Variants in TBL1X observed in about 807,000 individuals in gnomAD.
TBL1X encodes the protein F-box-like/WD repeat-containing protein TBL1X.
A neutral mutation model predicts 50.7 loss-of-function variants in TBL1X; 10 were observed. The ratio of observed to expected loss-of-function variants is 0.20; its 90% CI spans 0.12 to 0.33. TBL1X has a LOEUF of 0.33. Among genes scored for constraint, TBL1X ranks in the 10% least tolerant of loss-of-function variants. The pLI, the probability that TBL1X is intolerant of heterozygous loss-of-function variation, is 1.00. For synonymous variants in TBL1X, 190 were observed against 214.7 expected, an observed-to-expected ratio of 0.88 and a Z score of 1.01; for missense variants, 340 against 504.4, an observed-to-expected ratio of 0.67 and a Z score of 3.12.
intron 2 of TBL1X, among the ~76,000 whole-genome samples, chrX:9,503,483 G>C (rs2082011451): frequency 1.1e-5 from 1 of 92,146 alleles, no homozygotes; most frequent in Admixed American, 1.3e-4. Flanking sequence ...CTCCTGCAGG[G>C]AGGGGCAGCA....
chrX:9,564,862 A>G (rs1370513536), intron 2 of TBL1X, among the ~76,000 whole-genome samples: 1 of 111,077 alleles, frequency 9.0e-6, no homozygotes, highest in African/African-American at 3.3e-5. Context: ...TTGATCATGT[A>G]AAAAATGTAA....
At chrX:9,628,938 C>T (rs996357601) in intron 2 of TBL1X, among the ~76,000 whole-genome samples, 2 of 112,457 alleles carry the variant, frequency 1.8e-5, no homozygotes, top group Non-Finnish European at 3.8e-5. Flanking sequence ...CCCAAAGACT[C>T]CTGGTGGCAG....
chrX:9,704,212 A>G (rs1194422326), intron 12 of TBL1X, among the ~76,000 whole-genome samples: 2 of 111,622 alleles, frequency 1.8e-5, no homozygotes, highest in Non-Finnish European at 3.8e-5. Context: ...GTTTTTATTG[A>G]CCCTAATTAT....
At chrX:9,568,765 A>G (rs770555094) in intron 2 of TBL1X, among the ~76,000 whole-genome samples, 3 of 91,749 alleles carry the variant, frequency 3.3e-5, no homozygotes, top group Admixed American at 2.4e-4. Flanking sequence ...TGTTGTCTCT[A>G]TCTGTGCAGT....
chrX:9,684,056 G>C lies in TBL1X; in HGVS notation c.225G>C (p.Ser75=). ...RYLQESGFSH[S]AFTFGIESHI... ...CTCTTGCCACAGGTTTTTCCCACTC[G>C]GCTTTCACGTTTGGGATTGAGAGCC... Residue 75 remains serine, a synonymous_variant, in exon 6 of 18, where the codon TCG becomes TCC. Transcript: ENST00000645353. The C allele has an allele frequency of 8.3e-7, 1 of 1,211,559 alleles. No homozygotes were observed. The highest frequency in any genetic ancestry group is 1.1e-6 in the Non-Finnish European group (1 of 895,505).
intron 2 of TBL1X, among the ~76,000 whole-genome samples, chrX:9,598,454 C>T (rs758929878): frequency 1.8e-5 from 2 of 111,587 alleles, no homozygotes; most frequent in South Asian, 7.5e-4. Context: ...TTTTAAGATG[C>T]CAGAGCCTGT....
Position 9,492,885 on chromosome X carries a change from GT to G in TBL1X, c.-200-8894del, listed in dbSNP as rs1569206166. 8.7e-3 allele frequency among the ~76,000 whole-genome samples: 425 copies of G among 48,737 alleles called. 17 individuals carry two copies. Among genetic ancestry groups the G allele is most frequent in the Non-Finnish European group, 0.012 (304 of 24,582 alleles). 42.3% of individuals were successfully genotyped at this position (48,737 alleles called of 115,157 possible). ...TGTGTGTGTGTGTGTGTGTGTGTGT[GT>G]GTGTGTGTGTGTAGGGGAGGAAGGA... is the stretch of plus-strand genomic sequence containing the variant. On this transcript the variant is annotated intron_variant, in intron 1 of 17. Coordinates refer to ENST00000645353, the MANE Select transcript of TBL1X (RefSeq NM_005647.4).
chrX:9,556,905 C>T (rs73186395), intron 2 of TBL1X, among the ~76,000 whole-genome samples: 440 of 109,673 alleles, frequency 4.0e-3, no homozygotes, highest in Middle Eastern at 0.019. Context: ...ACTGCTTGTT[C>T]GAGTCTTTTT....
chrX:9,697,883 A>G lies in TBL1X; in HGVS notation c.1114+454A>G, dbSNP rs574561765. On this transcript the variant is annotated intron_variant, in intron 12 of 17. Coordinates refer to ENST00000645353, the MANE Select transcript of TBL1X (RefSeq NM_005647.4). ...AGGGTCACTTGAGCCCAGGGGTTCT[A>G]GACCAGCCTGGACAACAAAGCAAGA... Among the ~76,000 whole-genome samples the G allele has an allele frequency of 5.1e-4, 57 of 112,258 alleles. 1 individual carries two copies. In the South Asian group the frequency reaches 0.019, roughly 38 times the overall value.
intron 2 of TBL1X, among the ~76,000 whole-genome samples, chrX:9,603,370 C>G (rs1361031531): frequency 3.6e-5 from 4 of 112,552 alleles, no homozygotes; most frequent in African/African-American, 1.3e-4. Context: ...TTTAAAAGAT[C>G]TGTAAATGCG....
At chrX:9,635,942 G>A (rs1483104261) in intron 2 of TBL1X, among the ~76,000 whole-genome samples, 1 of 112,483 alleles carries the variant, frequency 8.9e-6, no homozygotes, top group Non-Finnish European at 1.9e-5. Flanking sequence ...AAAACACAAC[G>A]TGGTTCAGCC....
chrX:9,522,854 G>A (rs2082113222), intron 2 of TBL1X, among the ~76,000 whole-genome samples: 1 of 111,534 alleles, frequency 9.0e-6, no homozygotes, highest in Non-Finnish European at 1.9e-5. Flanking sequence ...CATCCCCAGC[G>A]ACTCTGTTGA....
chrX:9,522,729 A>T (rs2146966987), intron 2 of TBL1X, among the ~76,000 whole-genome samples: 1 of 111,669 alleles, frequency 9.0e-6, no homozygotes, highest in East Asian at 2.8e-4. Flanking sequence ...GAAGCAGTTG[A>T]AGTGGAGTTC....
intron 2 of TBL1X, chrX:9,639,726 GT>G (rs1455481039): frequency 9.0e-6 from 1 of 111,269 alleles, no homozygotes; most frequent in Non-Finnish European, 1.9e-5. Flanking sequence ...CCGTTTGTGT[GT>G]TTTTATGAGC....
At chrX:9,500,071 G>T (rs1257637743) in intron 1 of TBL1X, among the ~76,000 whole-genome samples, 1 of 108,523 alleles carries the variant, frequency 9.2e-6, no homozygotes, top group East Asian at 2.9e-4. Flanking sequence ...GATTGCTTGA[G>T]CCCAGGAGTT....
At position 9,718,332 on chromosome X, in the gene TBL1X, C is replaced by T. The variant is rs1359963740; in HGVS notation, c.*2086C>T. On this transcript the variant is annotated 3_prime_UTR_variant, in exon 18 of 18. Transcript: ENST00000645353. ...TCATTCTCAGATCATTGATTGGCCTCCACTTGGGTATGTGAATTATTCATG... is the reference window on the plus strand; with the variant it reads ...TCATTCTCAGATCATTGATTGGCCTTCACTTGGGTATGTGAATTATTCATG... The T allele has an allele frequency of 3.6e-5, 4 of 111,899 alleles. No individual in the cohort carries two copies. Among genetic ancestry groups the T allele is most frequent in the Non-Finnish European group, 7.5e-5 (4 of 53,145 alleles). The allele number at this position is 111,899 out of a possible 1,213,427, so 9.2% of individuals were successfully genotyped here.
intron 2 of TBL1X, among the ~76,000 whole-genome samples, chrX:9,625,262 A>G: frequency 8.9e-6 from 1 of 112,674 alleles, no homozygotes; most frequent in East Asian, 2.8e-4. Flanking sequence ...ACACAACAGC[A>G]TTCCAATGAC....
intron 11 of TBL1X, among the ~76,000 whole-genome samples, chrX:9,695,207 G>T (rs558585641): frequency 0.042 from 4,697 of 111,720 alleles, 117 homozygotes; most frequent in Middle Eastern, 0.065. Flanking sequence ...GAGATGAGCA[G>T]TTGCAAGAGA....
chrX:9,505,926 G>A (rs1031874438), intron 2 of TBL1X, among the ~76,000 whole-genome samples: 1 of 112,084 alleles, frequency 8.9e-6, no homozygotes, highest in African/African-American at 3.2e-5. Flanking sequence ...TTCAGGACTC[G>A]AACTCAGATC....
Sources: gnomAD v4.1 joint callset for allele counts (sites outside exome capture counted in the v4.1 genomes callset) on GRCh38, gnomAD v4.1.1 for gene constraint, MANE v1.5 for transcripts, NCBI Gene and HGNC (gene_info 2026-07-23, HGNC 2026-07-21) for gene names.